Variants in GUCA1B observed in about 807,000 individuals in gnomAD.
GUCA1B encodes the protein guanylyl cyclase-activating protein 2.
Under a neutral mutation model 24.2 loss-of-function variants are expected in GUCA1B, and 22 were observed. That is an observed-to-expected ratio of 0.91 (90% CI 0.65 to 1.30). The LOEUF (loss-of-function observed/expected upper bound fraction) is 1.30, where lower values mean the gene tolerates loss of function less well. GUCA1B is among the 50% of genes most tolerant of loss of function. The pLI, the probability that GUCA1B is intolerant of heterozygous loss-of-function variation, is 0.00. For synonymous variants in GUCA1B, 100 were observed against 97.9 expected (o/e 1.02, Z -0.13); for missense variants, 221 against 258.8 (o/e 0.85, Z 1.00).
intron 1 of GUCA1B, among the ~76,000 whole-genome samples, chr6:42,191,518 A>G (rs6939563): frequency 0.24 from 36,916 of 152,064 alleles, 4,853 homozygotes; most frequent in African/African-American, 0.34. Flanking sequence ...CTAAGTGGGA[A>G]AGAAGGCTCA....
Position 42,184,767 on chromosome 6 carries a change from C to T in GUCA1B, c.*48G>A, listed in dbSNP as rs1428131762. ...GGCTGAGCCAGGGACCCTCCTACTA[C>T]CCTGGAAACCTGGGTGAGCCTGGAG... On this transcript the variant is annotated 3_prime_UTR_variant, in exon 4 of 4. Transcript: ENST00000230361. 6.3e-7 allele frequency: 1 copy of T among 1,599,528 alleles called. No individual in the cohort carries two copies. The highest frequency in any genetic ancestry group is 1.7e-5 in the Admixed American group (1 of 60,000).
At chr6:42,187,559 C>G (rs1169959350) in intron 2 of GUCA1B, among the ~76,000 whole-genome samples, 1 of 149,076 alleles carries the variant, frequency 6.7e-6, no homozygotes, top group Admixed American at 6.7e-5. Flanking sequence ...TAGCTGGGAC[C>G]ACAGGTGCGT....
At chr6:42,188,809 G>A (rs1318298423) in intron 1 of GUCA1B, 78 bp from the exon 2 acceptor site, 11 of 1,384,074 alleles carry the variant, frequency 7.9e-6, no homozygotes, top group Non-Finnish European at 1.1e-5. Flanking sequence ...CAAACACAGG[G>A]CTTCTCCTCC....
At chr6:42,190,361 A>ATTTTTTTTTTT (rs143865611) in intron 1 of GUCA1B, among the ~76,000 whole-genome samples, 4 of 123,034 alleles carry the variant, frequency 3.3e-5, no homozygotes, top group African/African-American at 9.8e-5. Flanking sequence ...GTCAACTTCC[A>ATTTTTTTTTTT]TTTTTTTTTT....
rs1298847083 is a variant in GUCA1B, at chr6:42,192,398, AAGAAAAGAAAAAGG to A, written c.207+2202_207+2215del. 7.9e-4 allele frequency among the ~76,000 whole-genome samples: 109 copies of A among 138,606 alleles called. 13 individuals are homozygous for A. The highest frequency in any genetic ancestry group is 3.6e-3 in the Middle Eastern group (1 of 276). 90.9% of individuals were successfully genotyped at this position (138,606 alleles called of 152,430 possible). On this transcript the variant is annotated intron_variant, in intron 1 of 3. Transcript: ENST00000230361. ...AAAAAAAAGAGAGAAAAGAAAAGAA[AAGAAAAGAAAAAGG>A]AAAAAAGAAAGAAACCTGGCCGGGT...
intron 1 of GUCA1B, among the ~76,000 whole-genome samples, chr6:42,192,389 AG>A (rs1562064916): frequency 0.19 from 687 of 3,680 alleles, 71 homozygotes; most frequent in African/African-American, 0.26. Flanking sequence ...AAGAGAGAAA[AG>A]AAAAGAAAAG....
rs146279104 is a variant in GUCA1B at position 42,184,912 on chromosome 6, C to T, written c.506G>A (p.Gly169Asp). The change falls in exon 4 of 4, where the codon GGT becomes GAT. Residue 169 changes from glycine (G) to aspartate (D), a missense_variant. By Grantham distance (94) the Gly-to-Asp change is moderately conservative. Coordinates refer to ENST00000230361, the MANE Select transcript of GUCA1B (RefSeq NM_002098.6). Reference sequence around the variant, plus strand: ...CATCACCCACTTGTCCCGACGGGCACCTTCAACAAACTCGTTCAGAGACAG... The same window carrying T: ...CATCACCCACTTGTCCCGACGGGCATCTTCAACAAACTCGTTCAGAGACAG... ...GQLSLNEFVE[G>D]ARRDKWVMKM... The T allele has an allele frequency of 6.2e-7, 1 of 1,614,060 alleles. No homozygotes were observed. The highest frequency in any genetic ancestry group is 1.3e-5 in the African/African-American group (1 of 74,922).
chr6:42,192,613 G>A (rs1380665018), intron 1 of GUCA1B, among the ~76,000 whole-genome samples: 2 of 152,140 alleles, frequency 1.3e-5, no homozygotes, highest in African/African-American at 4.8e-5. Context: ...TCAGGAGGAT[G>A]AGTCATGAGA....
intron 1 of GUCA1B, among the ~76,000 whole-genome samples, chr6:42,194,322 G>A (rs1768360310): frequency 6.6e-6 from 1 of 152,162 alleles, no homozygotes; most frequent in Admixed American, 6.5e-5. Flanking sequence ...GAGAGGACCT[G>A]GACTGTCTGC....
intron 1 of GUCA1B, 44 bp downstream of exon 1, chr6:42,194,570 G>T: frequency 8.0e-7 from 1 of 1,246,250 alleles, no homozygotes; most frequent in Non-Finnish European, 1.2e-6. Context: ...GGAGGAAGGC[G>T]CCAGGTGGAC....
chr6:42,186,977 A>G (rs1318603652), intron 2 of GUCA1B, among the ~76,000 whole-genome samples: 1 of 152,248 alleles, frequency 6.6e-6, no homozygotes, highest in African/African-American at 2.4e-5. Context: ...CATTCTTGCT[A>G]ATAGAGAATG....
In GUCA1B at chr6:42,185,092, G is replaced by A. The variant is rs542131124; in HGVS notation, c.476-150C>T. ...ACCTCAAGCTTGCGGCTTGTCAGGT[G>A]TCTGAATCTCCAGGAGTCTCCTGCC... On this transcript the variant is annotated intron_variant, in intron 3 of 3. Transcript: ENST00000230361. The A allele has an allele frequency of 5.2e-5, 36 of 691,916 alleles. No homozygotes were observed. In the African/African-American group the frequency reaches 5.3e-4, roughly 10 times the overall value. 42.9% of individuals were successfully genotyped at this position (691,916 alleles called of 1,614,324 possible).
intron 3 of GUCA1B, among the ~76,000 whole-genome samples, 173 bp from the exon 4 acceptor site, chr6:42,185,115 G>A (rs1321124203): frequency 1.3e-5 from 2 of 152,224 alleles, no homozygotes; most frequent in East Asian, 3.9e-4. Flanking sequence ...GGAGTCTCCT[G>A]CCACCTTTAA....
chr6:42,184,063 G>C lies in GUCA1B; in HGVS notation c.*752C>G, dbSNP rs1017309873. On this transcript the variant is annotated 3_prime_UTR_variant, in exon 4 of 4. Coordinates refer to ENST00000230361, the MANE Select transcript of GUCA1B (RefSeq NM_002098.6). ...AGTTATAGAATTATTGCTGCCCCCT[G>C]CCCCCCAAAACTCCTGCCTTTTCTT... Among the ~76,000 whole-genome samples, 3 of 151,392 alleles carry C rather than the reference G, an allele frequency of 2.0e-5. No homozygotes were observed. The highest frequency in any genetic ancestry group is 4.4e-5 in the Non-Finnish European group (3 of 67,850).
chr6:42,188,852 C>G, intron 1 of GUCA1B, 121 bp from the exon 2 acceptor site: 1 of 895,128 alleles, frequency 1.1e-6, no homozygotes, highest in South Asian at 1.4e-5. Flanking sequence ...TGTGTCTTTG[C>G]TCAAGTCTTT....
Position 42,188,639 on chromosome 6 carries a change from G to A in GUCA1B, c.300C>T (p.Ile100=), listed in dbSNP as rs149794881. The change falls in exon 2 of 4, where the codon ATC becomes ATT. Residue 100 remains isoleucine (I), a synonymous_variant. Transcript: ENST00000230361. The stretch of plus-strand genomic sequence containing the variant: ...TGCAGCCATTGCCATCCTTATCATA[G>A]ATCTTGAATGTCCACTTCAGCTTGT... ...LEHKLKWTFK[I]YDKDGNGCID... The A allele has an allele frequency of 6.2e-7, 1 of 1,614,044 alleles. No individual in the cohort carries two copies. Among genetic ancestry groups the A allele is most frequent in the African/African-American group, 1.3e-5 (1 of 75,038 alleles).
At chr6:42,194,048 C>T (rs9369347) in intron 1 of GUCA1B, among the ~76,000 whole-genome samples, 82,847 of 152,022 alleles carry the variant, frequency 0.54, 24,548 homozygotes, top group East Asian at 0.85. Flanking sequence ...ATGAAACCTT[C>T]CAGGACTTGA....
chr6:42,187,399 C>G (rs967853812), intron 2 of GUCA1B, among the ~76,000 whole-genome samples: 1 of 146,422 alleles, frequency 6.8e-6, no homozygotes, highest in African/African-American at 2.6e-5. Context: ...CCACCGTGCC[C>G]GGCCAAGGGT....
chr6:42,191,667 C>T (rs1394439397), intron 1 of GUCA1B, among the ~76,000 whole-genome samples: 1 of 152,106 alleles, frequency 6.6e-6, no homozygotes, highest in Non-Finnish European at 1.5e-5. Flanking sequence ...TTTGACTGAA[C>T]AATAGGATAT....
Sources: allele counts gnomAD v4.1 joint callset (sites outside exome capture counted in the v4.1 genomes callset), GRCh38; gene constraint gnomAD v4.1.1; transcripts MANE v1.5; gene names NCBI Gene and HGNC (gene_info 2026-07-23, HGNC 2026-07-21).